MIPEP: variants seen among roughly 807,000 people sequenced by gnomAD.
MIPEP encodes mitochondrial intermediate peptidase.
Under a neutral mutation model 90.3 loss-of-function variants are expected in MIPEP, and 79 were observed. The observed-to-expected ratio is 0.87, with a 90% CI of 0.73 to 1.05. The LOEUF (loss-of-function observed/expected upper bound fraction) is 1.05, where lower values mean the gene tolerates loss of function less well. Ranked by LOEUF, MIPEP falls within the 50% of genes least tolerant of loss-of-function variation. The pLI, the probability that MIPEP is intolerant of heterozygous loss-of-function variation, is 0.00. For missense variants in MIPEP, 940 were observed against 905.6 expected (o/e 1.04, Z -0.49); for synonymous variants, 334 against 315.8 (o/e 1.06, Z -0.61).
At chr13:23,760,836 T>C in intron 16 of MIPEP, among the ~76,000 whole-genome samples, 1 of 152,184 alleles carries the variant, frequency 6.6e-6, no homozygotes, top group African/African-American at 2.4e-5. Context: ...ATTAAGTGAG[T>C]TTAATTACAC....
chr13:23,849,733 G>T (rs1249632757), intron 10 of MIPEP, among the ~76,000 whole-genome samples: 3 of 152,168 alleles, frequency 2.0e-5, no homozygotes, highest in Non-Finnish European at 4.4e-5. Context: ...AATGAGCACA[G>T]AAATATCAGT....
At chr13:23,804,983 G>A (rs533370870) in intron 16 of MIPEP, among the ~76,000 whole-genome samples, 1 of 152,234 alleles carries the variant, frequency 6.6e-6, no homozygotes, top group South Asian at 2.1e-4. Context: ...AGAATGAAAG[G>A]AACCCAGAAA....
chr13:23,867,148 C>A (rs1169058986), intron 7 of MIPEP, among the ~76,000 whole-genome samples: 1 of 152,124 alleles, frequency 6.6e-6, no homozygotes, highest in Admixed American at 6.6e-5. Context: ...GATCATCTCA[C>A]TCCTCTGCCC....
rs1224058508 is a variant in MIPEP, at chr13:23,879,235, AGTC to A, written c.539+30_539+32del. 3 of 1,305,448 alleles carry A rather than the reference AGTC, an allele frequency of 2.3e-6. No homozygotes were observed. The African/African-American group carries it at 4.4e-5, about 19-fold the overall frequency. 80.9% of individuals were successfully genotyped at this position (1,305,448 alleles called of 1,614,324 possible). Reference sequence around the variant, plus strand: ...CTCCCAACCTCACCTCTAGAGTCACAGTCACAATCAAGGCAAAGAAATGAGTGA... The same window carrying A: ...CTCCCAACCTCACCTCTAGAGTCACAACAATCAAGGCAAAGAAATGAGTGA... On this transcript the variant is annotated intron_variant, in intron 4 of 18. Transcript: ENST00000382172.
rs116274454 is a variant in MIPEP at position 23,840,423 on chromosome 13, G to A, written c.1261-697C>T. Among the ~76,000 whole-genome samples the A allele has an allele frequency of 3.0e-3, 451 of 152,302 alleles. 2 individuals carry two copies. Among genetic ancestry groups the A allele is most frequent in the African/African-American group, 0.011 (438 of 41,568 alleles). ...GCAACTGACAACAGTGCTGGACCCC[G>A]GTGGAGTGCACATTCTGCAGTTCTG... On this transcript the variant is annotated intron_variant, in intron 11 of 18. Transcript: ENST00000382172.
chr13:23,761,749 T>C (rs971434678), intron 16 of MIPEP, among the ~76,000 whole-genome samples: 2 of 152,246 alleles, frequency 1.3e-5, no homozygotes, highest in African/African-American at 4.8e-5. Flanking sequence ...GACTTTAACA[T>C]TTTTACTTTT....
intron 18 of MIPEP, among the ~76,000 whole-genome samples, chr13:23,748,302 C>T (rs1190033161): frequency 3.4e-5 from 5 of 149,160 alleles, no homozygotes; most frequent in East Asian, 1.9e-4. Flanking sequence ...TATTGAATGC[C>T]GATGGGCTGA....
rs529195742 is a variant in MIPEP at position 23,854,656 on chromosome 13, C to A, written c.1106+4204G>T. ...CCTGTAATCCCAGCACTTTGGGAGG[C>A]TGAGGCAGGCGGATCACTTGAGGCT... On this transcript the variant is annotated intron_variant, in intron 10 of 18. Coordinates refer to ENST00000382172, the MANE Select transcript of MIPEP (RefSeq NM_005932.4). 6.6e-5 allele frequency among the ~76,000 whole-genome samples: 10 copies of A among 152,218 alleles called. 1 individual carries two copies. The highest frequency in any genetic ancestry group is 3.4e-3 in the Middle Eastern group (1 of 294).
intron 12 of MIPEP, among the ~76,000 whole-genome samples, chr13:23,839,412 AT>A (rs1255935776): frequency 6.6e-6 from 1 of 152,216 alleles, no homozygotes; most frequent in African/African-American, 2.4e-5. Flanking sequence ...GTCAGTTGTC[AT>A]TGTTACTATA....
At chr13:23,819,694 T>C (rs892571283) in intron 14 of MIPEP, among the ~76,000 whole-genome samples, 2 of 151,842 alleles carry the variant, frequency 1.3e-5, no homozygotes, top group Admixed American at 1.3e-4. Context: ...GCGTAAATTC[T>C]CCACTTTTTA....
chr13:23,855,176 T>C (rs527410880), intron 10 of MIPEP, among the ~76,000 whole-genome samples: 134 of 152,314 alleles, frequency 8.8e-4, no homozygotes, highest in African/African-American at 3.2e-3. Flanking sequence ...AATAAAATAA[T>C]TTATTTTTGT....
chr13:23,781,213 G>A (rs374538422), intron 16 of MIPEP, among the ~76,000 whole-genome samples: 8 of 152,236 alleles, frequency 5.3e-5, no homozygotes, highest in African/African-American at 1.9e-4. Context: ...AGAAAGGTCG[G>A]GTTACCCACA....
chr13:23,837,526 A>C, intron 13 of MIPEP, 26 bp downstream of exon 13: 1 of 1,544,926 alleles, frequency 6.5e-7, no homozygotes, highest in Non-Finnish European at 8.9e-7. Flanking sequence ...GGACTGTAGT[A>C]AATAAAAGCC....
intron 16 of MIPEP, among the ~76,000 whole-genome samples, chr13:23,785,631 A>G (rs1427599640): frequency 2.0e-5 from 3 of 151,916 alleles, no homozygotes; most frequent in East Asian, 1.9e-4. Flanking sequence ...TAATAAAAAA[A>G]AAAAAAAGAA....
At chr13:23,819,219 T>A (rs1953277240) in intron 14 of MIPEP, among the ~76,000 whole-genome samples, 1 of 152,042 alleles carries the variant, frequency 6.6e-6, no homozygotes. Flanking sequence ...CCAAATGGAG[T>A]CACTCATGCT....
rs114244108 is a variant in MIPEP at position 23,862,189 on chromosome 13, A to G, written c.1053+113T>C. On this transcript the variant is annotated intron_variant, in intron 9 of 18. Coordinates refer to ENST00000382172, the MANE Select transcript of MIPEP (RefSeq NM_005932.4). ...TTTATTCACCAAAACCGAGGATCAG[A>G]AACAAGACTAAATGGACCTGTAGCC... is the stretch of plus-strand genomic sequence containing the variant. 1.2e-3 allele frequency: 856 copies of G among 687,052 alleles called. 6 individuals are homozygous for G. The African/African-American group carries it at 0.015, about 12-fold the overall frequency. 42.6% of individuals were successfully genotyped at this position (687,052 alleles called of 1,614,324 possible). A position where few individuals can be genotyped will look rare whatever the true frequency, so the allele number is the denominator to read the frequency against.
intron 16 of MIPEP, among the ~76,000 whole-genome samples, chr13:23,768,476 G>A (rs1952615436): frequency 6.6e-6 from 1 of 152,186 alleles, no homozygotes; most frequent in Non-Finnish European, 1.5e-5. Flanking sequence ...AGAACTTTGG[G>A]AGGCCAATAA....
At chr13:23,831,388 G>GAGGA (rs1566009684) in intron 14 of MIPEP, among the ~76,000 whole-genome samples, 1 of 145,862 alleles carries the variant, frequency 6.9e-6, no homozygotes, top group Non-Finnish European at 1.5e-5. Flanking sequence ...CATGGCGGGG[G>GAGGA]GGGGATGTGG....
chr13:23,844,439 G>A (rs1175548960), intron 10 of MIPEP, among the ~76,000 whole-genome samples: 1 of 152,118 alleles, frequency 6.6e-6, no homozygotes, highest in Non-Finnish European at 1.5e-5. Flanking sequence ...AGAGAATCAA[G>A]GCCACAGAGC....
Sources: allele counts gnomAD v4.1 joint callset (sites outside exome capture counted in the v4.1 genomes callset), GRCh38; gene constraint gnomAD v4.1.1; transcripts MANE v1.5; gene names NCBI Gene and HGNC (gene_info 2026-07-23, HGNC 2026-07-21).